C16orf89: variants seen among roughly 807,000 people sequenced by gnomAD.
The protein encoded by C16orf89 is UPF0764 protein C16orf89.
In C16orf89, 57 loss-of-function variants were observed where a neutral mutation model predicts 41.5. That is an observed-to-expected ratio of 1.38 (90% CI 1.11 to 1.71). The LOEUF is 1.71. Among genes scored for constraint, C16orf89 ranks in the 40% most tolerant of loss-of-function variants. The pLI is 0.00. For synonymous variants in C16orf89, 223 were observed against 190.6 expected, an observed-to-expected ratio of 1.17 and a Z score of -1.40; for missense variants, 575 against 445.9, an observed-to-expected ratio of 1.29 and a Z score of -2.61.
intron 6 of C16orf89, among the ~76,000 whole-genome samples, chr16:5,052,070 C>G (rs1252785434): frequency 7.3e-6 from 1 of 136,834 alleles, no homozygotes; most frequent in Non-Finnish European, 1.5e-5. Flanking sequence ...CTACGGCACA[C>G]CATCCTGGGT....
intron 5 of C16orf89, chr16:5,055,600 G>C: frequency 7.3e-7 from 1 of 1,363,180 alleles, no homozygotes; most frequent in Non-Finnish European, 9.9e-7. Context: ...CAGTGGAGGA[G>C]TTTGGACACC....
Position 5,058,456 on chromosome 16 carries a change from C to T in C16orf89, c.627+37G>A, listed in dbSNP as rs774999994. 5.2e-6 allele frequency: 8 copies of T among 1,537,394 alleles called. No homozygotes were observed. The African/African-American group carries it at 8.2e-5, about 16-fold the overall frequency. ...CTGCCCCTTTTCCTTTTTCCTTCCC[C>T]TTCCCCTGGCACGGCGGGGGCTCCC... is the stretch of plus-strand genomic sequence containing the variant. On this transcript the variant is annotated intron_variant, in intron 4 of 7. Transcript: ENST00000472572.
intron 6 of C16orf89, among the ~76,000 whole-genome samples, chr16:5,052,628 C>T (rs113145288): frequency 4.0e-5 from 6 of 151,348 alleles, no homozygotes; most frequent in Non-Finnish European, 8.8e-5. Flanking sequence ...CAACAGATAA[C>T]AAATGCTGGC....
At chr16:5,063,344 G>C (rs1956667390) in intron 1 of C16orf89, among the ~76,000 whole-genome samples, 1 of 152,174 alleles carries the variant, frequency 6.6e-6, no homozygotes, top group African/African-American at 2.4e-5. Flanking sequence ...AACCCGCAGG[G>C]AAGAAGTAAA....
In C16orf89 at chr16:5,044,979, G is replaced by A. The variant is rs1956269205; in HGVS notation, c.956-501C>T. ...CAGCTGCTAAGGGCTCCCTTCTCTG[G>A]GAGGTATGTCCCTCCCAAATAACTT... On this transcript the variant is annotated intron_variant, in intron 7 of 7. Transcript: ENST00000472572. The A allele has an allele frequency of 7.8e-6, 9 of 1,151,162 alleles. No individual in the cohort carries two copies. The South Asian group carries it at 1.4e-4, about 18-fold the overall frequency. 71.3% of individuals were successfully genotyped at this position (1,151,162 alleles called of 1,614,324 possible). A position where few individuals can be genotyped will look rare whatever the true frequency, so the allele number is the denominator to read the frequency against.
At chr16:5,052,099 C>CAAAAA (rs35641084) in intron 6 of C16orf89, among the ~76,000 whole-genome samples, 9 of 78,682 alleles carry the variant, frequency 1.1e-4, no homozygotes, top group Admixed American at 1.7e-4. Context: ...GAGACTGTCT[C>CAAAAA]AAAAAAAAAA....
Position 5,049,948 on chromosome 16 carries a change from C to G in C16orf89, c.869-1984G>C, listed in dbSNP as rs868426310. On this transcript the variant is annotated intron_variant, in intron 6 of 7. Coordinates refer to ENST00000472572, the MANE Select transcript of C16orf89 (RefSeq NM_001098514.3). ...AAAAGATCAACAGATAAATTATTAA[C>G]TAGACTAAGAAAAAAAGAGAAAAGA... 3.3e-5 allele frequency among the ~76,000 whole-genome samples: 5 copies of G among 151,822 alleles called. No individual in the cohort carries two copies. In the South Asian group the frequency reaches 1.0e-3, roughly 32 times the overall value.
intron 6 of C16orf89, among the ~76,000 whole-genome samples, chr16:5,052,358 G>A (rs1205922875): frequency 6.6e-6 from 1 of 152,188 alleles, no homozygotes; most frequent in Non-Finnish European, 1.5e-5. Flanking sequence ...GGAGGCCGTG[G>A]CTGGTGGATC....
intron 1 of C16orf89, among the ~76,000 whole-genome samples, chr16:5,064,149 TAATA>T (rs1596709042): frequency 1.3e-5 from 2 of 151,690 alleles, no homozygotes; most frequent in East Asian, 3.9e-4. Flanking sequence ...ATAATAATAA[TAATA>T]AATAAAAAAT....
intron 2 of C16orf89, among the ~76,000 whole-genome samples, chr16:5,061,974 C>T (rs1423179596): frequency 1.3e-5 from 2 of 152,176 alleles, no homozygotes; most frequent in Non-Finnish European, 2.9e-5. Flanking sequence ...ATAAACCCCA[C>T]TGTTTTGAAA....
Position 5,055,294 on chromosome 16 carries a change from C to T in C16orf89, c.820G>A (p.Ala274Thr), listed in dbSNP as rs375280665. The T allele has an allele frequency of 7.3e-5, 118 of 1,613,520 alleles. No homozygotes were observed. Among genetic ancestry groups the T allele is most frequent in the Non-Finnish European group, 9.7e-5 (114 of 1,179,814 alleles). ...TGCTGTTTCTGCCAGCTGAGAATGG[C>T]CTCCAGCCACCGGAGCTTGTAGAAG... ...SDFYKLRWLE[A>T]ILSWQKQQEG... Residue 274 changes from alanine to threonine, a missense_variant, in exon 6 of 8, where the codon GCC becomes ACC. By Grantham distance (58) the Ala-to-Thr change is moderately conservative (BLOSUM62 0). Transcript: ENST00000472572.
At chr16:5,050,236 C>T (rs913603348) in intron 6 of C16orf89, among the ~76,000 whole-genome samples, 3 of 152,040 alleles carry the variant, frequency 2.0e-5, no homozygotes, top group East Asian at 1.9e-4. Context: ...GGCATGGTGG[C>T]GGGCGCCTGT....
intron 7 of C16orf89, among the ~76,000 whole-genome samples, chr16:5,045,433 G>C (rs1009736221): frequency 1.5e-4 from 23 of 152,198 alleles, no homozygotes; most frequent in African/African-American, 4.6e-4. Context: ...TGAGCTCAAA[G>C]TGGGCTGCAC....
intron 5 of C16orf89, 135 bp downstream of exon 5, chr16:5,055,918 C>G: frequency 8.0e-7 from 1 of 1,245,422 alleles, no homozygotes; most frequent in Non-Finnish European, 1.1e-6. Flanking sequence ...TGTATTTTTA[C>G]TTGCTTAATC....
At chr16:5,056,320 G>T in intron 4 of C16orf89, 132 bp from the exon 5 acceptor site, 1 of 781,922 alleles carries the variant, frequency 1.3e-6, no homozygotes, top group Non-Finnish European at 1.9e-6. Flanking sequence ...TTTAGGGCAG[G>T]TCTTTTTCTC....
chr16:5,062,712 G>T, intron 1 of C16orf89, 138 bp from the exon 2 acceptor site: 1 of 981,856 alleles, frequency 1.0e-6, no homozygotes. Flanking sequence ...AGAGGGGAAG[G>T]ATTTACTGAG....
rs1956588582 is a variant in C16orf89, at chr16:5,060,283, C to T, written c.509+3G>A. 1.2e-6 allele frequency: 2 copies of T among 1,605,074 alleles called. No homozygotes were observed. Among genetic ancestry groups the T allele is most frequent in the Non-Finnish European group, 1.7e-6 (2 of 1,175,018 alleles). On this transcript the variant is annotated splice_donor_region_variant and intron_variant, in intron 3 of 7. Transcript: ENST00000472572. ...CAGCAAATAGGGCAAGTGCAGGGCC[C>T]ACCCGGTTCCCAGCAGCTGCACCAG...
chr16:5,048,220 A>G (rs1421245955), intron 6 of C16orf89, among the ~76,000 whole-genome samples: 1 of 152,080 alleles, frequency 6.6e-6, no homozygotes, highest in East Asian at 1.9e-4. Context: ...TTTTTGGTAG[A>G]GATGGGGTCT....
chr16:5,058,383 T>A, intron 4 of C16orf89, 110 bp downstream of exon 4: 3 of 922,576 alleles, frequency 3.3e-6, no homozygotes, highest in Non-Finnish European at 4.9e-6. Context: ...TCTGCCTGCC[T>A]TGGCCTCCCA....
Sources: gnomAD v4.1 joint callset for allele counts (sites outside exome capture counted in the v4.1 genomes callset) on GRCh38, gnomAD v4.1.1 for gene constraint, MANE v1.5 for transcripts, NCBI Gene and HGNC (gene_info 2026-07-23, HGNC 2026-07-21) for gene names.